DIAPH3: variants seen among roughly 807,000 people sequenced by gnomAD.
The protein encoded by DIAPH3 is protein diaphanous homolog 3.
Under a neutral mutation model 144.3 loss-of-function variants are expected in DIAPH3, and 117 were observed. The observed-to-expected ratio is 0.81, with a 90% CI of 0.70 to 0.95. The LOEUF (loss-of-function observed/expected upper bound fraction) is 0.95, where lower values mean the gene tolerates loss of function less well. Ranked by LOEUF, DIAPH3 falls within the 40% of genes least tolerant of loss-of-function variation. DIAPH3 has a pLI of 0.00. For synonymous variants in DIAPH3, 519 were observed against 488.9 expected (o/e 1.06, Z -0.81); for missense variants, 1,421 against 1,412.7 (o/e 1.01, Z -0.09).
intron 27 of DIAPH3, among the ~76,000 whole-genome samples, chr13:59,734,326 T>C (rs1383130325): frequency 1.3e-5 from 2 of 152,114 alleles, no homozygotes; most frequent in East Asian, 3.8e-4. Context: ...AAAGAAGATA[T>C]GAAAAGTGGG....
intron 2 of DIAPH3, among the ~76,000 whole-genome samples, chr13:60,126,012 A>G (rs1194212008): frequency 1.3e-5 from 2 of 152,226 alleles, no homozygotes; most frequent in Non-Finnish European, 2.9e-5. Context: ...CTTCTAGAAT[A>G]GATGAGACAT....
chr13:59,922,846 C>G (rs909641361), intron 18 of DIAPH3, among the ~76,000 whole-genome samples: 1 of 151,986 alleles, frequency 6.6e-6, no homozygotes, highest in Non-Finnish European at 1.5e-5. Flanking sequence ...GGATCTTTCT[C>G]CATAAAAATG....
intron 27 of DIAPH3, among the ~76,000 whole-genome samples, chr13:59,669,266 C>A (rs572093507): frequency 6.6e-6 from 1 of 152,322 alleles, no homozygotes; most frequent in East Asian, 1.9e-4. Context: ...CCTGGTCTCA[C>A]TTAGATTCAT....
At chr13:59,722,021 C>T (rs1779018574) in intron 27 of DIAPH3, among the ~76,000 whole-genome samples, 1 of 152,122 alleles carries the variant, frequency 6.6e-6, no homozygotes, top group Non-Finnish European at 1.5e-5. Flanking sequence ...AAAGATATAA[C>T]CATATGAAGC....
chr13:59,940,816 A>G (rs1286642496), intron 17 of DIAPH3, among the ~76,000 whole-genome samples: 1 of 152,208 alleles, frequency 6.6e-6, no homozygotes, highest in Non-Finnish European at 1.5e-5. Flanking sequence ...TGCTGATGCC[A>G]TCCTGGCCAT....
Position 59,764,874 on chromosome 13 carries a change from C to T in DIAPH3, c.3319+9315G>A, listed in dbSNP as rs552801202. ...TGAGAGAATAAATTTTTGTTGTTTT[C>T]AGCCTTCCAATTTGTGATAATTTGC... is the stretch of plus-strand genomic sequence containing the variant. On this transcript the variant is annotated intron_variant, in intron 27 of 27. Transcript: ENST00000400324. Among the ~76,000 whole-genome samples, 8 of 152,170 alleles carry T rather than the reference C, an allele frequency of 5.3e-5. No homozygotes were observed. The South Asian group carries it at 1.5e-3, about 28-fold the overall frequency.
At position 60,163,916 on chromosome 13, in the gene DIAPH3, A is replaced by C. The variant is rs925876937; in HGVS notation, c.-150T>G. On this transcript the variant is annotated 5_prime_UTR_variant, in exon 1 of 28. Transcript: ENST00000400324. ...GCCCAACCGCTGAAGTCGGGGCCGC[A>C]GCCAACACATCTGAAAACTCCCGCC... 40 of 1,023,456 alleles carry C rather than the reference A, an allele frequency of 3.9e-5. No individual in the cohort carries two copies. The highest frequency in any genetic ancestry group is 5.3e-5 in the Non-Finnish European group (38 of 723,286). The allele number at this position is 1,023,456 out of a possible 1,614,324, so 63.4% of individuals were successfully genotyped here. A position where few individuals can be genotyped will look rare whatever the true frequency, so the allele number is the denominator to read the frequency against.
chr13:60,032,015 G>A (rs1029643255), intron 5 of DIAPH3, among the ~76,000 whole-genome samples: 4 of 152,006 alleles, frequency 2.6e-5, no homozygotes, highest in Admixed American at 6.6e-5. Context: ...GTGAGTCACC[G>A]CACCTGGCCT....
Position 59,730,897 on chromosome 13 carries a change from C to T in DIAPH3, c.3319+43292G>A, listed in dbSNP as rs189835235. On this transcript the variant is annotated intron_variant, in intron 27 of 27. Coordinates refer to ENST00000400324, the MANE Select transcript of DIAPH3 (RefSeq NM_001042517.2). ...CAATAAAAATGAGATGGTATTATTG[C>T]TGTCAGCATATAATCCCAAATCCTT... Among the ~76,000 whole-genome samples the T allele has an allele frequency of 1.1e-4, 17 of 152,262 alleles. No homozygotes were observed. In the East Asian group the frequency reaches 2.3e-3, roughly 21 times the overall value.
intron 25 of DIAPH3, among the ~76,000 whole-genome samples, chr13:59,802,103 T>TA (rs1566330485): frequency 1.3e-5 from 2 of 152,106 alleles, no homozygotes; most frequent in South Asian, 2.1e-4. Context: ...AACCTATTAA[T>TA]AAAAAAAGAA....
intron 4 of DIAPH3, among the ~76,000 whole-genome samples, chr13:60,047,075 G>T (rs2056106119): frequency 6.6e-6 from 1 of 152,004 alleles, no homozygotes; most frequent in South Asian, 2.1e-4. Flanking sequence ...GTATACCTAT[G>T]TAACAAACTT....
chr13:60,159,357 G>GTAATCCTTCCT (rs1173147090), intron 1 of DIAPH3, among the ~76,000 whole-genome samples: 2 of 152,196 alleles, frequency 1.3e-5, no homozygotes, highest in Non-Finnish European at 2.9e-5. Context: ...CAGGTGCGAT[G>GTAATCCTTCCT]GCTCACGCCT....
chr13:60,136,359 G>A (rs1359807667), intron 1 of DIAPH3, among the ~76,000 whole-genome samples: 1 of 150,290 alleles, frequency 6.7e-6, no homozygotes, highest in Non-Finnish European at 1.5e-5. Context: ...AGCCACCGTG[G>A]ACATCTACTC....
intron 22 of DIAPH3, among the ~76,000 whole-genome samples, chr13:59,855,408 C>T (rs1017188198): frequency 2.6e-5 from 4 of 151,766 alleles, no homozygotes; most frequent in African/African-American, 9.7e-5. Flanking sequence ...TAAGTATATG[C>T]AAACATATAT....
intron 18 of DIAPH3, among the ~76,000 whole-genome samples, chr13:59,918,942 T>TAAAAAAAAA (rs2047375396): frequency 7.4e-5 from 2 of 26,886 alleles, no homozygotes; most frequent in African/African-American, 1.3e-4. Flanking sequence ...TTCAAGAAAA[T>TAAAAAAAAA]ACAAAAAAAA....
intron 27 of DIAPH3, among the ~76,000 whole-genome samples, chr13:59,700,489 G>A (rs919605202): frequency 7.2e-5 from 11 of 152,088 alleles, no homozygotes; most frequent in African/African-American, 2.7e-4. Flanking sequence ...AATATTCTAC[G>A]TACTTTCTTT....
intron 22 of DIAPH3, among the ~76,000 whole-genome samples, chr13:59,842,219 T>A (rs1429669402): frequency 1.3e-5 from 2 of 151,978 alleles, no homozygotes; most frequent in African/African-American, 4.8e-5. Flanking sequence ...TATATGTATT[T>A]ATTTTTAAGT....
chr13:60,062,086 T>G (rs2056797210), intron 4 of DIAPH3, among the ~76,000 whole-genome samples: 1 of 152,150 alleles, frequency 6.6e-6, no homozygotes, highest in Admixed American at 6.5e-5. Flanking sequence ...CTTAATTACT[T>G]CTACCTTGTT....
intron 17 of DIAPH3, among the ~76,000 whole-genome samples, chr13:59,926,082 C>T (rs185979756): frequency 2.4e-3 from 368 of 152,156 alleles, no homozygotes; most frequent in Non-Finnish European, 4.1e-3. Context: ...ACTTCTCAGG[C>T]TCAATTGATC....
Sources: allele counts gnomAD v4.1 joint callset (sites outside exome capture counted in the v4.1 genomes callset), GRCh38; gene constraint gnomAD v4.1.1; transcripts MANE v1.5; gene names NCBI Gene and HGNC (gene_info 2026-07-23, HGNC 2026-07-21).